IMPG2: variants seen among roughly 807,000 people sequenced by gnomAD.
IMPG2 encodes the protein IPM 200.
In IMPG2, 91 loss-of-function variants were observed where a neutral mutation model predicts 129.2. The ratio of observed to expected loss-of-function variants is 0.70; its 90% CI spans 0.59 to 0.84. The LOEUF is 0.84. Among genes scored for constraint, IMPG2 ranks in the 40% least tolerant of loss-of-function variants. The pLI, the probability that IMPG2 is intolerant of heterozygous loss-of-function variation, is 0.00. For synonymous variants in IMPG2, 510 were observed against 517.7 expected (o/e 0.99, Z 0.20); for missense variants, 1,430 against 1,461.7 (o/e 0.98, Z 0.35).
chr3:101,287,273 C>T (rs1289446988), intron 4 of IMPG2, among the ~76,000 whole-genome samples: 1 of 152,168 alleles, frequency 6.6e-6, no homozygotes, highest in Non-Finnish European at 1.5e-5. Context: ...GTCTCATGCT[C>T]ATGGATTGGA....
In IMPG2 at chr3:101,285,015, A is replaced by G. The variant is rs574236896; in HGVS notation, c.533+6464T>C. ...AATTTGATAGCTCCATTTTTCTGTC[A>G]CTTAACGACTGGAATTGTAAACAAG... On this transcript the variant is annotated intron_variant, in intron 4 of 18. Coordinates refer to ENST00000193391, the MANE Select transcript of IMPG2 (RefSeq NM_016247.4). Among the ~76,000 whole-genome samples the G allele has an allele frequency of 2.0e-5, 3 of 152,290 alleles. No homozygotes were observed. In the South Asian group the frequency reaches 6.2e-4, roughly 32 times the overall value.
chr3:101,312,560 C>T (rs150373573), intron 2 of IMPG2, among the ~76,000 whole-genome samples: 186 of 152,136 alleles, frequency 1.2e-3, no homozygotes, highest in African/African-American at 4.3e-3. Flanking sequence ...AACCCCCATA[C>T]ACTGCTGGTG....
At chr3:101,298,321 G>T (rs1443165895) in intron 3 of IMPG2, among the ~76,000 whole-genome samples, 2 of 151,958 alleles carry the variant, frequency 1.3e-5, no homozygotes, top group African/African-American at 4.8e-5. Context: ...CCTGAATACA[G>T]GACACCAGTG....
At chr3:101,264,311 T>C (rs907537226) in intron 9 of IMPG2, among the ~76,000 whole-genome samples, 1 of 151,996 alleles carries the variant, frequency 6.6e-6, no homozygotes, top group Admixed American at 6.6e-5. Flanking sequence ...AACAAAATAT[T>C]AGCAAATCAA....
intron 2 of IMPG2, among the ~76,000 whole-genome samples, chr3:101,307,441 A>T (rs1421678211): frequency 6.6e-6 from 1 of 152,254 alleles, no homozygotes. Context: ...TCACAGTTCC[A>T]CATGGGTGGG....
chr3:101,294,318 C>T (rs1707054623), intron 3 of IMPG2, among the ~76,000 whole-genome samples: 1 of 152,056 alleles, frequency 6.6e-6, no homozygotes. Context: ...GTTCAACTCC[C>T]ACTTATCAAT....
intron 14 of IMPG2, among the ~76,000 whole-genome samples, chr3:101,239,755 T>C (rs889400633): frequency 6.6e-6 from 1 of 152,218 alleles, no homozygotes; most frequent in East Asian, 1.9e-4. Context: ...AAGGATGAGT[T>C]CGTGTCCTTT....
intron 14 of IMPG2, among the ~76,000 whole-genome samples, chr3:101,241,712 T>C (rs1373451818): frequency 6.6e-6 from 1 of 152,006 alleles, no homozygotes; most frequent in African/African-American, 2.4e-5. Flanking sequence ...AAGCTCCAGG[T>C]GTTAGGAATT....
At chr3:101,306,990 T>A (rs1015674762) in intron 2 of IMPG2, among the ~76,000 whole-genome samples, 1 of 152,136 alleles carries the variant, frequency 6.6e-6, no homozygotes, top group Non-Finnish European at 1.5e-5. Context: ...AATACATATA[T>A]CTGCCAAAGA....
At position 101,225,291 on chromosome 3, in the gene IMPG2, C is replaced by T. The variant is rs1041857576; in HGVS notation, c.*1678G>A. The T allele has an allele frequency of 2.6e-5, 4 of 152,144 alleles. No individual in the cohort carries two copies. Among genetic ancestry groups the T allele is most frequent in the Non-Finnish European group, 5.9e-5 (4 of 68,028 alleles). 9.4% of individuals were successfully genotyped at this position (152,144 alleles called of 1,614,324 possible). ...TGTCAATAAAATAGTGGAAAGTGTA[C>T]CTATACTGAACTGTTAGAGGATCCA... On this transcript the variant is annotated 3_prime_UTR_variant, in exon 19 of 19. Coordinates refer to ENST00000193391, the MANE Select transcript of IMPG2 (RefSeq NM_016247.4).
At chr3:101,311,611 T>C (rs1707264243) in intron 2 of IMPG2, among the ~76,000 whole-genome samples, 1 of 152,136 alleles carries the variant, frequency 6.6e-6, no homozygotes, top group South Asian at 2.1e-4. Context: ...GACTGGAACA[T>C]TTAACACTGT....
chr3:101,227,659 G>A, intron 18 of IMPG2: 2 of 365,724 alleles, frequency 5.5e-6, no homozygotes, highest in Non-Finnish European at 1.1e-5. Flanking sequence ...TGGATTCTCT[G>A]GTTTAAAAGG....
chr3:101,294,971 T>C (rs544185484), intron 3 of IMPG2, among the ~76,000 whole-genome samples: 1 of 152,326 alleles, frequency 6.6e-6, no homozygotes, highest in African/African-American at 2.4e-5. Context: ...TTGTAGATTC[T>C]AGATATTAGA....
At chr3:101,307,026 T>C (rs564459855) in intron 2 of IMPG2, among the ~76,000 whole-genome samples, 1 of 152,276 alleles carries the variant, frequency 6.6e-6, no homozygotes, top group African/African-American at 2.4e-5. Context: ...ACTGAAATAA[T>C]TCCTACAACT....
intron 14 of IMPG2, among the ~76,000 whole-genome samples, chr3:101,242,395 T>C (rs1043412895): frequency 3.3e-5 from 5 of 152,128 alleles, no homozygotes; most frequent in African/African-American, 1.2e-4. Context: ...CATGAAGGCA[T>C]AGCAAGAATA....
At chr3:101,239,700 GA>G (rs1706385239) in intron 14 of IMPG2, among the ~76,000 whole-genome samples, 1 of 152,204 alleles carries the variant, frequency 6.6e-6, no homozygotes, top group Non-Finnish European at 1.5e-5. Context: ...ACTGGGCAAA[GA>G]AAATGTGGCA....
intron 9 of IMPG2, among the ~76,000 whole-genome samples, chr3:101,267,112 C>T (rs1490624863): frequency 6.6e-6 from 1 of 151,966 alleles, no homozygotes; most frequent in Non-Finnish European, 1.5e-5. Context: ...TAAATCCAGC[C>T]TACTACCCAA....
rs1706304016 is a variant in IMPG2 at position 101,232,798 on chromosome 3, C to T, written c.3216G>A (p.Gly1072=). Residue 1072 remains glycine, a synonymous_variant, in exon 15 of 19, where the codon GGG becomes GGA. Transcript: ENST00000193391. Reference sequence around the variant, plus strand: ...CAACATACCTACAAATGGCCCCGTGCCCAGGCATAATGTCACACTTTCCAT... The same window carrying T: ...CAACATACCTACAAATGGCCCCGTGTCCAGGCATAATGTCACACTTTCCAT... The part of the protein sequence containing the change: ...LNDGKCDIMP[G]HGAICRCRVG... The T allele has an allele frequency of 6.2e-7, 1 of 1,613,460 alleles. No individual in the cohort carries two copies. The highest frequency in any genetic ancestry group is 1.1e-5 in the South Asian group (1 of 91,046).
At chr3:101,230,674 T>G (rs1706275405) in intron 16 of IMPG2, among the ~76,000 whole-genome samples, 1 of 152,188 alleles carries the variant, frequency 6.6e-6, no homozygotes, top group South Asian at 2.1e-4. Context: ...CTACTCTTTC[T>G]CTCCAGCAAA....
Sources: allele counts gnomAD v4.1 joint callset (sites outside exome capture counted in the v4.1 genomes callset), GRCh38; gene constraint gnomAD v4.1.1; transcripts MANE v1.5; gene names NCBI Gene and HGNC (gene_info 2026-07-23, HGNC 2026-07-21).